Variants in MTERF4 observed in about 807,000 individuals in gnomAD.
MTERF4 encodes mitochondrial transcription termination factor 4, also known as transcription termination factor 4, mitochondrial.
In MTERF4, 17 loss-of-function variants were observed where a neutral mutation model predicts 22.5. The observed-to-expected ratio is 0.75, with a 90% CI of 0.52 to 1.13. MTERF4 has a LOEUF of 1.13. Ranked by LOEUF, MTERF4 falls within the 50% of genes most tolerant of loss-of-function variation. MTERF4 has a pLI of 0.00. For missense variants in MTERF4, 420 were observed against 466.8 expected, an observed-to-expected ratio of 0.90 and a Z score of 0.92; for synonymous variants, 165 against 175.3, an observed-to-expected ratio of 0.94 and a Z score of 0.47.
chr2:241,071,667 G>T (rs776085549), downstream of MTERF4: 8 of 1,560,760 alleles, frequency 5.1e-6, no homozygotes, highest in African/African-American at 1.1e-4. Flanking sequence ...GCCTGCCGGA[G>T]CTGCGCCTGC....
chr2:241,070,139 C>T, downstream of MTERF4: 1 of 1,611,572 alleles, frequency 6.2e-7, no homozygotes, highest in Non-Finnish European at 8.5e-7. Context: ...TCTGTGATAG[C>T]AGTGCAGAGC....
chr2:241,069,268 G>C (rs536977262), downstream of MTERF4, among the ~76,000 whole-genome samples: 99 of 152,300 alleles, frequency 6.5e-4, no homozygotes, highest in African/African-American at 2.3e-3. The surrounding 1 kb of genome is among the most constrained non-coding windows in gnomAD (Gnocchi z 4.9). Context: ...TCCTCAGCAT[G>C]GAGTTCCTAC....
Position 241,099,704 on chromosome 2 carries a change from C to T in MTERF4, c.212G>A (p.Arg71Lys), listed in dbSNP as rs1446261806. 1 of 1,614,238 alleles carries T rather than the reference C, an allele frequency of 6.2e-7. No homozygotes were observed. The highest frequency in any genetic ancestry group is 8.5e-7 in the Non-Finnish European group (1 of 1,180,044). Residue 71 changes from arginine to lysine, a missense_variant, in exon 2 of 4, where the codon AGG (arginine) becomes AAG (lysine). Coordinates refer to ENST00000391980, the MANE Select transcript of MTERF4 (RefSeq NM_182501.4). ...NNYVQEPECRRNLVQCLLEKQ... is the reference protein window; with the variant it reads ...NNYVQEPECRKNLVQCLLEKQ... Reference sequence around the variant, plus strand: ...CTCAAGGAGGCACTGAACAAGATTCCTCCTGCACTCTGGTTCCTGCACATA... The same window carrying T: ...CTCAAGGAGGCACTGAACAAGATTCTTCCTGCACTCTGGTTCCTGCACATA...
rs1559337229 is a variant in MTERF4 at position 241,096,312 on chromosome 2, CAG to C, written c.830_831del (p.Pro277ArgfsTer2). On this transcript the variant is annotated frameshift_variant, in exon 4 of 4. Transcript: ENST00000391980. LOFTEE classifies it low-confidence loss of function (END_TRUNC). This position sits in a 1 kb window ranked among gnomAD's most constrained non-coding sequence, Gnocchi z 5.1. ...YLERLGRYQT[P>X]DKKGQTQIPN... ...GGGATCTGTGTCTGCCCCTTCTTAT[CAG>C]GGGTTTGGTACCGTCCCAGGCGCTC... The C allele has an allele frequency of 3.1e-6, 5 of 1,614,190 alleles. No homozygotes were observed. The highest frequency in any genetic ancestry group is 4.2e-6 in the Non-Finnish European group (5 of 1,180,044).
chr2:241,087,646 T>C, downstream of MTERF4: 1 of 1,426,382 alleles, frequency 7.0e-7, no homozygotes, highest in South Asian at 1.6e-5. Context: ...TGTATGTCCA[T>C]ATATGTGCAT....
At chr2:241,087,694 G>A, downstream of MTERF4, 1 of 1,367,284 alleles carries the variant, frequency 7.3e-7, no homozygotes, top group Non-Finnish European at 9.4e-7. Flanking sequence ...GGCATGCTGG[G>A]TGCTGGGGGG....
the MTERF4 span, among the ~76,000 whole-genome samples, chr2:241,057,248 G>A: frequency 3.3e-5 from 5 of 151,274 alleles, no homozygotes; most frequent in African/African-American, 1.2e-4. Flanking sequence ...GCATGGTGGT[G>A]GGCACCTGTA....
the MTERF4 span, chr2:241,053,223 G>A: frequency 6.6e-5 from 107 of 1,609,208 alleles, no homozygotes; most frequent in African/African-American, 1.1e-4. Context: ...GGCTGGGCGC[G>A]GTGGCCCTGT....
At chr2:241,071,582 G>T, downstream of MTERF4, 1 of 1,586,664 alleles carries the variant, frequency 6.3e-7, no homozygotes. Context: ...GCAGCCCCCA[G>T]GGATGGCGCT....
At chr2:241,067,241 G>A (rs1365810557), downstream of MTERF4, among the ~76,000 whole-genome samples, 1 of 152,236 alleles carries the variant, frequency 6.6e-6, no homozygotes, top group Non-Finnish European at 1.5e-5. Flanking sequence ...TCTGCCTGGT[G>A]CATCAGCAGT....
chr2:241,094,277 C>T (rs946617019), downstream of MTERF4: 7 of 469,064 alleles, frequency 1.5e-5, no homozygotes, highest in Non-Finnish European at 3.1e-5. This position sits in a 1 kb window ranked among gnomAD's most constrained non-coding sequence, Gnocchi z 4.3. Context: ...ATCAGCTCAC[C>T]TCCTGCACCT....
In MTERF4 at chr2:241,099,841, C is replaced by T; in HGVS notation, c.75G>A (p.Gln25=). The change falls in exon 2 of 4, where the codon CAG becomes CAA. Residue 25 remains glutamine, a synonymous_variant. Transcript: ENST00000391980. Reference sequence around the variant, plus strand: ...TTCTCTGTTCTCCAAGATGAGGAGTCTGCCTAGCCATACAGGCCCAGGTGA... The same window carrying T: ...TTCTCTGTTCTCCAAGATGAGGAGTTTGCCTAGCCATACAGGCCCAGGTGA... ...IPLTWACMAR[Q]TPHLGEQRRT... The T allele has an allele frequency of 6.2e-7, 1 of 1,613,908 alleles. No homozygotes were observed. Among genetic ancestry groups the T allele is most frequent in the South Asian group, 1.1e-5 (1 of 91,084 alleles).
the MTERF4 span, chr2:241,049,133 A>G: frequency 6.2e-7 from 1 of 1,610,782 alleles, no homozygotes; most frequent in East Asian, 2.2e-5. Flanking sequence ...AATGCCAGCC[A>G]CTGTGAGTAG....
chr2:241,068,387 C>A (rs1052301635), downstream of MTERF4, among the ~76,000 whole-genome samples: 71 of 151,918 alleles, frequency 4.7e-4, no homozygotes, highest in African/African-American at 1.6e-3. The surrounding 1 kb of genome is among the most constrained non-coding windows in gnomAD (Gnocchi z 5.3). Flanking sequence ...TCCCAGGAGT[C>A]CCACAGTGGA....
downstream of MTERF4, chr2:241,071,297 G>C: frequency 1.8e-6 from 1 of 541,008 alleles, no homozygotes; most frequent in South Asian, 2.3e-5. Flanking sequence ...ACGGGCAGGG[G>C]CCTAGACTCA....
rs2062964435 is a variant in MTERF4, at chr2:241,075,217, G to A, written n.945C>T. ...GTGCTGCAGTGGATGTTCCTGTACAGGTTTTCCAGTACGTGTGCGGGAGTG... is the reference window on the plus strand; with the variant it reads ...GTGCTGCAGTGGATGTTCCTGTACAAGTTTTCCAGTACGTGTGCGGGAGTG... On this transcript the variant is annotated non_coding_transcript_exon_variant, in exon 5 of 5. Transcript: ENST00000464344. This position sits in a 1 kb window ranked among gnomAD's most constrained non-coding sequence, Gnocchi z 4.8. The A allele has an allele frequency of 1.3e-5, 2 of 152,292 alleles. No individual in the cohort carries two copies. Among genetic ancestry groups the A allele is most frequent in the Non-Finnish European group, 2.9e-5 (2 of 68,024 alleles). The allele number at this position is 152,292 out of a possible 1,614,324, so 9.4% of individuals were successfully genotyped here. A position where few individuals can be genotyped will look rare whatever the true frequency, so the allele number is the denominator to read the frequency against.
chr2:241,079,411 CAA>C (rs757361914), intron 4 of MTERF4, among the ~76,000 whole-genome samples: 20 of 74,416 alleles, frequency 2.7e-4, no homozygotes, highest in Admixed American at 4.7e-4. Flanking sequence ...GACTCCATCT[CAA>C]AAAAAAAAAA....
the MTERF4 span, among the ~76,000 whole-genome samples, chr2:241,057,394 T>C: frequency 5.0e-5 from 7 of 140,202 alleles, no homozygotes; most frequent in Admixed American, 7.1e-5. Context: ...TATATATATA[T>C]ATATATATAT....
downstream of MTERF4, among the ~76,000 whole-genome samples, chr2:241,082,603 C>G (rs779930703): frequency 6.6e-6 from 1 of 152,212 alleles, no homozygotes; most frequent in Non-Finnish European, 1.5e-5. Context: ...AACGCAGGCT[C>G]CTGGTCCCCA....
Sources: gnomAD v4.1 joint callset for allele counts (sites outside exome capture counted in the v4.1 genomes callset) on GRCh38, gnomAD v4.1.1 for gene constraint, Gnocchi (gnomAD v3.1) non-coding constraint, MANE v1.5 for transcripts, NCBI Gene and HGNC (gene_info 2026-07-23, HGNC 2026-07-21) for gene names.